The following TRPM3 variants were observed in gnomAD, a reference collection of about 807,000 sequenced individuals.
TRPM3 encodes long transient receptor potential channel 3.
Under a neutral mutation model 181.2 loss-of-function variants are expected in TRPM3, and 77 were observed. The ratio of observed to expected loss-of-function variants is 0.42; its 90% CI spans 0.35 to 0.51. TRPM3 has a LOEUF of 0.51. Among genes scored for constraint, TRPM3 ranks in the 20% least tolerant of loss-of-function variants. The pLI is 0.01. For synonymous variants in TRPM3, 745 were observed against 796.4 expected (o/e 0.94, Z 1.09); for missense variants, 1,759 against 2,196.7 (o/e 0.80, Z 3.98).
At chr9:70,641,169 G>C (rs968193853) in intron 9 of TRPM3, among the ~76,000 whole-genome samples, 1 of 152,152 alleles carries the variant, frequency 6.6e-6, no homozygotes, top group African/African-American at 2.4e-5. Flanking sequence ...CGTCTGGCTA[G>C]GCAAAGTGTG....
chr9:71,364,607 T>C (rs1765218368), intron 1 of TRPM3, among the ~76,000 whole-genome samples: 2 of 152,204 alleles, frequency 1.3e-5, no homozygotes, highest in African/African-American at 4.8e-5. Flanking sequence ...AGAGCTAAAC[T>C]GGGACAAGGA....
At position 71,358,432 on chromosome 9, in the gene TRPM3, A is replaced by C. The variant is rs571190372; in HGVS notation, c.183+88221T>G. Among the ~76,000 whole-genome samples the C allele has an allele frequency of 3.9e-5, 6 of 152,222 alleles. No individual in the cohort carries two copies. The East Asian group carries it at 1.2e-3, about 29-fold the overall frequency. ...AGGCAGGGCTAAGTAAAATCAACACAATCAGCAATACTGGAAAAACAACTA... is the reference window on the plus strand; with the variant it reads ...AGGCAGGGCTAAGTAAAATCAACACCATCAGCAATACTGGAAAAACAACTA... On this transcript the variant is annotated intron_variant, in intron 1 of 24. Transcript: ENST00000357533.
rs1268575669 is a variant in TRPM3, at chr9:71,437,881, GA to G, written c.183+8771del. On this transcript the variant is annotated intron_variant, in intron 1 of 24. Coordinates refer to the TRPM3 transcript ENST00000357533. ...AAACTCCGGAAAAAAAAAAAAAAAA[GA>G]AAAAAAAACCCTAAAACATTTACTA... is the stretch of plus-strand genomic sequence containing the variant. Among the ~76,000 whole-genome samples, 395 of 131,540 alleles carry G rather than the reference GA, an allele frequency of 3.0e-3. 2 individuals are homozygous for G. Among genetic ancestry groups the G allele is most frequent in the African/African-American group, 9.9e-3 (357 of 36,154 alleles). The allele number at this position is 131,540 out of a possible 152,430, so 86.3% of individuals were successfully genotyped here.
intron 1 of TRPM3, among the ~76,000 whole-genome samples, chr9:70,918,705 A>C (rs1392680810): frequency 6.6e-6 from 1 of 152,236 alleles, no homozygotes; most frequent in East Asian, 1.9e-4. Context: ...TGCATCTTAA[A>C]GCAATAGAAA....
chr9:71,038,352 A>C (rs1282461090), intron 1 of TRPM3, among the ~76,000 whole-genome samples: 4 of 152,228 alleles, frequency 2.6e-5, no homozygotes, highest in Non-Finnish European at 4.4e-5. Context: ...TCAAGGCCAT[A>C]GAAAATGTAA....
At chr9:71,374,374 A>G (rs749629518) in intron 1 of TRPM3, among the ~76,000 whole-genome samples, 6 of 152,182 alleles carry the variant, frequency 3.9e-5, no homozygotes, top group African/African-American at 1.4e-4. Context: ...TCCGTGTCAA[A>G]AAAACAAAAC....
At chr9:70,553,575 C>T (rs1373892023) in intron 22 of TRPM3, among the ~76,000 whole-genome samples, 1 of 152,128 alleles carries the variant, frequency 6.6e-6, no homozygotes, top group Admixed American at 6.5e-5. Context: ...CACCTTCTTG[C>T]TCACACTGCC....
chr9:70,854,041 G>A (rs766391809), intron 3 of TRPM3, among the ~76,000 whole-genome samples: 79 of 152,250 alleles, frequency 5.2e-4, no homozygotes, highest in African/African-American at 1.7e-3. Context: ...CTCATGTGCC[G>A]ACTCAGCAGC....
intron 1 of TRPM3, among the ~76,000 whole-genome samples, chr9:71,132,778 C>T (rs944435685): frequency 1.1e-4 from 16 of 151,966 alleles, no homozygotes; most frequent in African/African-American, 3.6e-4. Context: ...AAAAATTATA[C>T]TTCATATACA....
intron 1 of TRPM3, among the ~76,000 whole-genome samples, chr9:71,198,464 G>A (rs549773465): frequency 1.2e-4 from 19 of 152,278 alleles, no homozygotes; most frequent in African/African-American, 2.9e-4. Flanking sequence ...ACCTTGGGCA[G>A]TATGGCCATC....
intron 1 of TRPM3, among the ~76,000 whole-genome samples, chr9:71,080,822 G>A (rs1001541840): frequency 6.6e-6 from 1 of 152,150 alleles, no homozygotes. Flanking sequence ...TCTGAATAAG[G>A]GGCCTGAATT....
chr9:71,008,668 C>A (rs1280689109), intron 1 of TRPM3, among the ~76,000 whole-genome samples: 1 of 152,122 alleles, frequency 6.6e-6, no homozygotes, highest in East Asian at 1.9e-4. Flanking sequence ...CCTGGTGAAA[C>A]CCTGTCTCTA....
Position 70,908,356 on chromosome 9 carries a change from C to T in TRPM3, c.178-43845G>A, listed in dbSNP as rs116298277. On this transcript the variant is annotated intron_variant, in intron 1 of 25. Transcript: ENST00000677713. Reference sequence around the variant, plus strand: ...TTCAATAGAAAGGTAGAGAGTTTCACCTCAGACGGACTAGTTGGTTTCAGA... The same window carrying T: ...TTCAATAGAAAGGTAGAGAGTTTCATCTCAGACGGACTAGTTGGTTTCAGA... Among the ~76,000 whole-genome samples, 1,431 of 152,278 alleles carry T rather than the reference C, an allele frequency of 9.4e-3. 20 individuals are homozygous for T. The highest frequency in any genetic ancestry group is 0.033 in the African/African-American group (1,360 of 41,538).
chr9:71,433,494 C>A (rs2131621148), intron 1 of TRPM3, among the ~76,000 whole-genome samples: 1 of 152,330 alleles, frequency 6.6e-6, no homozygotes, highest in African/African-American at 2.4e-5. Context: ...GTCAATTAAA[C>A]CTCTTTCCTT....
intron 8 of TRPM3, among the ~76,000 whole-genome samples, chr9:70,701,880 T>C (rs35201133): frequency 0.4 from 60,546 of 150,028 alleles, 13,405 homozygotes; most frequent in East Asian, 0.51. Context: ...TTCCCAGTGA[T>C]GTTCAGTATT....
chr9:71,440,277 G>A (rs149501753), intron 1 of TRPM3, among the ~76,000 whole-genome samples: 45 of 152,248 alleles, frequency 3.0e-4, no homozygotes, highest in African/African-American at 1.0e-3. Flanking sequence ...AGCTAATAAT[G>A]GACAGACCAG....
At chr9:71,393,322 C>A (rs1588823095) in intron 1 of TRPM3, among the ~76,000 whole-genome samples, 1 of 152,120 alleles carries the variant, frequency 6.6e-6, no homozygotes, top group South Asian at 2.1e-4. Flanking sequence ...GTGAAACATA[C>A]TATATGTTGA....
chr9:71,198,663 GCTCT>G (rs1565331652), intron 1 of TRPM3, among the ~76,000 whole-genome samples: 1 of 135,874 alleles, frequency 7.4e-6, no homozygotes, highest in African/African-American at 2.6e-5. Context: ...TCATGATTTG[GCTCT>G]CTGTTTGTCT....
intron 1 of TRPM3, among the ~76,000 whole-genome samples, chr9:71,230,185 C>T (rs535474990): frequency 2.0e-5 from 3 of 152,120 alleles, no homozygotes; most frequent in Non-Finnish European, 4.4e-5. Flanking sequence ...AACTAAATGT[C>T]ATTACGTTAA....
Sources: allele counts gnomAD v4.1 joint callset (sites outside exome capture counted in the v4.1 genomes callset), GRCh38; gene constraint gnomAD v4.1.1; transcripts MANE v1.5; gene names NCBI Gene and HGNC (gene_info 2026-07-23, HGNC 2026-07-21).